Variants in HTR4 observed in about 807,000 individuals in gnomAD.
The protein encoded by HTR4 is 5-hydroxytryptamine receptor 4.
HTR4 carries 16 observed loss-of-function variants against 36.8 expected under a neutral mutation model. That is an observed-to-expected ratio of 0.43 (90% CI 0.29 to 0.66). The LOEUF (loss-of-function observed/expected upper bound fraction) is 0.66, where lower values mean the gene tolerates loss of function less well. HTR4 is among the 30% of genes least tolerant of loss of function. HTR4 has a pLI of 0.13. For missense variants in HTR4, 438 were observed against 490.9 expected, an observed-to-expected ratio of 0.89 and a Z score of 1.02; for synonymous variants, 189 against 185.1, an observed-to-expected ratio of 1.02 and a Z score of -0.17.
At chr5:148,526,324 T>A (rs999230801) in intron 4 of HTR4, among the ~76,000 whole-genome samples, 2 of 152,242 alleles carry the variant, frequency 1.3e-5, no homozygotes. Context: ...TAAGAATATC[T>A]TTTGTTTCAT....
chr5:148,475,347 C>T (rs750936922), downstream of HTR4, among the ~76,000 whole-genome samples: 1 of 152,074 alleles, frequency 6.6e-6, no homozygotes, highest in African/African-American at 2.4e-5. Context: ...TTAAATGTTA[C>T]CAAATATGTG....
intron 6 of HTR4, chr5:148,484,278 G>A: frequency 6.2e-7 from 1 of 1,613,496 alleles, no homozygotes. Flanking sequence ...AGGCTTCCTT[G>A]CAGTCAAACA....
intron 5 of HTR4, among the ~76,000 whole-genome samples, chr5:148,510,412 G>T (rs1757443412): frequency 6.6e-6 from 1 of 152,130 alleles, no homozygotes; most frequent in African/African-American, 2.4e-5. Context: ...TACCCAACCA[G>T]AAGTGAAATT....
chr5:148,575,955 T>C (rs1172634711), intron 2 of HTR4, among the ~76,000 whole-genome samples: 1 of 151,156 alleles, frequency 6.6e-6, no homozygotes, highest in Admixed American at 6.6e-5. Context: ...TCTCTATTTG[T>C]AGACAACATG....
At chr5:148,547,562 A>AAAATAAAATAAAATAAAATAAAAT (rs1554094300) in intron 4 of HTR4, among the ~76,000 whole-genome samples, 360 of 138,920 alleles carry the variant, frequency 2.6e-3, no homozygotes, top group African/African-American at 8.0e-3. Flanking sequence ...AAAATAAAAT[A>AAAATAAAATAAAATAAAATAAAAT]AAATAAATAA....
intron 2 of HTR4, among the ~76,000 whole-genome samples, chr5:148,621,584 T>G (rs1752921672): frequency 6.6e-6 from 1 of 152,228 alleles, no homozygotes; most frequent in South Asian, 2.1e-4. Flanking sequence ...GTTCTTGAAC[T>G]TTTCAATTAG....
At chr5:148,563,704 G>A (rs919054515) in intron 2 of HTR4, among the ~76,000 whole-genome samples, 6 of 152,090 alleles carry the variant, frequency 3.9e-5, no homozygotes, top group Admixed American at 6.5e-5. Context: ...TCATTATTAC[G>A]TAAACAATAG....
intron 2 of HTR4, among the ~76,000 whole-genome samples, chr5:148,559,187 C>T (rs1760083748): frequency 6.6e-6 from 1 of 152,136 alleles, no homozygotes; most frequent in Non-Finnish European, 1.5e-5. Context: ...TATTGCTATC[C>T]TGGGAAAAGA....
In HTR4 at chr5:148,654,188, G is replaced by GC; in HGVS notation, c.-175dup. 2 of 984,980 alleles carry GC rather than the reference G, an allele frequency of 2.0e-6. No individual in the cohort carries two copies. The highest frequency in any genetic ancestry group is 3.5e-5 in the African/African-American group (2 of 57,156). The allele number at this position is 984,980 out of a possible 1,614,324, so 61.0% of individuals were successfully genotyped here. A position where few individuals can be genotyped will look rare whatever the true frequency, so the allele number is the denominator to read the frequency against. On this transcript the variant is annotated 5_prime_UTR_variant, in exon 1 of 7. Coordinates refer to ENST00000377888, the MANE Select transcript of HTR4 (RefSeq NM_000870.7). The stretch of plus-strand genomic sequence containing the variant: ...AGCCGCTGCCTGCGCCCTCCCTGCC[G>GC]CCCCCTCGGGTGCGGGCTCCAGCCC...
intron 5 of HTR4, among the ~76,000 whole-genome samples, chr5:148,455,415 A>C (rs1047980967): frequency 5.3e-5 from 8 of 152,240 alleles, no homozygotes; most frequent in Non-Finnish European, 2.9e-5. Flanking sequence ...CGTGGAATGC[A>C]GGCAACCTCT....
At chr5:148,646,145 C>A (rs1414801517) in intron 1 of HTR4, 1 of 152,164 alleles carries the variant, frequency 6.6e-6, no homozygotes, top group East Asian at 1.9e-4. Flanking sequence ...TCATAAATGC[C>A]CCAGTGATTC....
intron 2 of HTR4, among the ~76,000 whole-genome samples, chr5:148,604,972 T>C (rs1009289421): frequency 6.6e-6 from 1 of 152,130 alleles, no homozygotes; most frequent in African/African-American, 2.4e-5. Context: ...CTAAATGAGA[T>C]AATAAAGGGA....
chr5:148,643,974 G>C (rs1007075885), intron 1 of HTR4, among the ~76,000 whole-genome samples: 12 of 152,194 alleles, frequency 7.9e-5, no homozygotes, highest in South Asian at 4.1e-4. Flanking sequence ...CTAAGGGGCT[G>C]TTTATTGCAG....
At chr5:148,515,006 T>A (rs1328423884) in intron 5 of HTR4, among the ~76,000 whole-genome samples, 2 of 152,250 alleles carry the variant, frequency 1.3e-5, no homozygotes, top group East Asian at 3.9e-4. Flanking sequence ...CATCTATTCT[T>A]TAAATAATTT....
chr5:148,484,212 G>C lies in HTR4; in HGVS notation c.1077-919C>G, dbSNP rs199629604. 179 of 1,570,360 alleles carry C rather than the reference G, an allele frequency of 1.1e-4. 2 individuals carry two copies. Among genetic ancestry groups the C allele is most frequent in the Non-Finnish European group, 1.4e-5 (16 of 1,156,462 alleles). On this transcript the variant is annotated intron_variant, in intron 6 of 6. Transcript: ENST00000377888. ...GTGTCATCTGCCTTTTAGTTTTTCA[G>C]GCAAGGTAAAAAATGTTGAGCAAGA...
At chr5:148,609,696 G>C (rs1489166943) in intron 2 of HTR4, among the ~76,000 whole-genome samples, 3 of 151,722 alleles carry the variant, frequency 2.0e-5, no homozygotes, top group South Asian at 4.2e-4. Context: ...CTCCCGAGTA[G>C]CTGGGACTAC....
intron 5 of HTR4, among the ~76,000 whole-genome samples, chr5:148,456,462 T>C (rs939166716): frequency 6.6e-6 from 1 of 152,150 alleles, no homozygotes; most frequent in African/African-American, 2.4e-5. Context: ...TTGGGAAATA[T>C]TGAGAGAAAA....
intron 2 of HTR4, among the ~76,000 whole-genome samples, chr5:148,598,477 G>C (rs759741841): frequency 6.6e-6 from 1 of 151,938 alleles, no homozygotes; most frequent in Admixed American, 6.6e-5. Context: ...ACTTGAACCC[G>C]GGAGATGGAG....
intron 5 of HTR4, among the ~76,000 whole-genome samples, chr5:148,462,966 T>A (rs1231384419): frequency 6.6e-6 from 1 of 152,072 alleles, no homozygotes; most frequent in Non-Finnish European, 1.5e-5. Flanking sequence ...CCTCAATTCA[T>A]GATTTAAAAA....
Sources: allele counts gnomAD v4.1 joint callset (sites outside exome capture counted in the v4.1 genomes callset), GRCh38; gene constraint gnomAD v4.1.1; transcripts MANE v1.5; gene names NCBI Gene and HGNC (gene_info 2026-07-23, HGNC 2026-07-21).